The following STOX1 variants were observed in gnomAD, a reference collection of about 807,000 sequenced individuals.
STOX1 encodes storkhead-box protein 1.
A neutral mutation model predicts 74.8 loss-of-function variants in STOX1; 57 were observed. The ratio of observed to expected loss-of-function variants is 0.76; its 90% CI spans 0.62 to 0.95. STOX1 has a LOEUF of 0.95. STOX1 is among the 40% of genes least tolerant of loss of function. The pLI, the probability that STOX1 is intolerant of heterozygous loss-of-function variation, is 0.00. For missense variants in STOX1, 1,010 were observed against 1,117.0 expected, an observed-to-expected ratio of 0.90 and a Z score of 1.37; for synonymous variants, 375 against 401.3, an observed-to-expected ratio of 0.93 and a Z score of 0.78.
At chr10:68,888,322 G>A (rs764175361) in intron 3 of STOX1, among the ~76,000 whole-genome samples, 1 of 152,064 alleles carries the variant, frequency 6.6e-6, no homozygotes, top group African/African-American at 2.4e-5. Flanking sequence ...GACTGGTCTC[G>A]AACTCCTGAC....
chr10:68,891,520 T>C (rs1345176978), intron 3 of STOX1, among the ~76,000 whole-genome samples: 2 of 152,006 alleles, frequency 1.3e-5, no homozygotes, highest in South Asian at 4.2e-4. Context: ...AAAGCAAAAA[T>C]AGGCTGGACG....
intron 1 of STOX1, among the ~76,000 whole-genome samples, chr10:68,851,949 C>G (rs915207169): frequency 3.3e-5 from 5 of 152,118 alleles, no homozygotes; most frequent in Admixed American, 3.3e-4. Flanking sequence ...ACCTGGCCAA[C>G]ATGGTGAAAC....
At chr10:68,828,427 A>G (rs1388230948) in intron 1 of STOX1, among the ~76,000 whole-genome samples, 1 of 152,130 alleles carries the variant, frequency 6.6e-6, no homozygotes, top group Admixed American at 6.5e-5. Context: ...CGGGGGGCCA[A>G]GACGCCCCGG....
At chr10:68,860,194 G>A (rs1840226938) in intron 1 of STOX1, among the ~76,000 whole-genome samples, 2 of 151,546 alleles carry the variant, frequency 1.3e-5, no homozygotes. Flanking sequence ...CTTGGACCCA[G>A]GAGGCGGACG....
intron 1 of STOX1, among the ~76,000 whole-genome samples, chr10:68,848,182 G>A (rs1839900593): frequency 6.6e-6 from 1 of 152,146 alleles, no homozygotes. Flanking sequence ...AGGTCCTGTT[G>A]CCCTGAGGAC....
intron 1 of STOX1, among the ~76,000 whole-genome samples, chr10:68,843,681 C>T (rs1839753407): frequency 6.6e-6 from 1 of 152,016 alleles, no homozygotes; most frequent in Non-Finnish European, 1.5e-5. Flanking sequence ...CCTCAGCCTC[C>T]AAAGTAGTTG....
intron 1 of STOX1, among the ~76,000 whole-genome samples, chr10:68,834,782 T>C (rs1839499614): frequency 6.6e-6 from 1 of 152,218 alleles, no homozygotes; most frequent in Non-Finnish European, 1.5e-5. Context: ...TGGAGTGCAG[T>C]GGCGTGATCT....
chr10:68,886,836 C>T (rs1840976157), intron 3 of STOX1, among the ~76,000 whole-genome samples: 3 of 151,724 alleles, frequency 2.0e-5, no homozygotes. Flanking sequence ...AGGAGAATCG[C>T]TTAAACCCGG....
intron 1 of STOX1, among the ~76,000 whole-genome samples, chr10:68,842,047 G>C (rs960029725): frequency 6.6e-6 from 1 of 152,168 alleles, no homozygotes; most frequent in East Asian, 1.9e-4. Flanking sequence ...TAGACATGAA[G>C]TCCGGGCCAT....
chr10:68,850,716 G>A (rs1460450336), intron 1 of STOX1, among the ~76,000 whole-genome samples: 9 of 152,344 alleles, frequency 5.9e-5, no homozygotes, highest in Admixed American at 5.9e-4. Flanking sequence ...GCTCACGCCT[G>A]TAATCCCAGC....
chr10:68,894,510 C>T (rs959502339), downstream of STOX1, among the ~76,000 whole-genome samples: 1 of 152,168 alleles, frequency 6.6e-6, no homozygotes, highest in African/African-American at 2.4e-5. Context: ...TGACTATTGG[C>T]TTTCAGTGGA....
At chr10:68,849,058 C>CAT (rs1839920025) in intron 1 of STOX1, among the ~76,000 whole-genome samples, 4 of 152,208 alleles carry the variant, frequency 2.6e-5, no homozygotes, top group African/African-American at 9.6e-5. Context: ...GTCCTGGAGG[C>CAT]CTCATTCTGT....
At position 68,885,352 on chromosome 10, in the gene STOX1, T is replaced by C. The variant is rs761762928; in HGVS notation, c.1556T>C (p.Leu519Pro). 3.7e-6 allele frequency: 6 copies of C among 1,614,208 alleles called. No homozygotes were observed. The highest frequency in any genetic ancestry group is 1.6e-4 in the Middle Eastern group (1 of 6,062). The part of the protein sequence containing the change: ...KGHKIQKTSD[L>P]KPSQTGPKEK... The stretch of plus-strand genomic sequence containing the variant: ...CACAAAATTCAGAAGACGAGTGATC[T>C]GAAACCCAGCCAGACTGGACCAAAG... The change falls in exon 3 of 4, where the codon CTG becomes CCG. Residue 519 changes from leucine (L) to proline (P), a missense_variant. Coordinates refer to ENST00000298596, the MANE Select transcript of STOX1 (RefSeq NM_152709.5).
intron 3 of STOX1, among the ~76,000 whole-genome samples, chr10:68,886,897 T>G (rs1840978177): frequency 6.7e-6 from 1 of 150,248 alleles, no homozygotes; most frequent in African/African-American, 2.5e-5. Context: ...TCCAGCCTGG[T>G]GATGGAGCAA....
chr10:68,829,195 C>G (rs1411928582), intron 1 of STOX1, among the ~76,000 whole-genome samples: 2 of 152,218 alleles, frequency 1.3e-5, no homozygotes, highest in African/African-American at 4.8e-5. Context: ...ATTTGTTTGG[C>G]CAGGCGCGGT....
chr10:68,867,032 C>T (rs1840427337), intron 1 of STOX1, among the ~76,000 whole-genome samples: 1 of 150,272 alleles, frequency 6.7e-6, no homozygotes, highest in Non-Finnish European at 1.5e-5. Context: ...GCAAGCTCCG[C>T]CTCCCGGGTT....
At chr10:68,841,353 A>G (rs984048512) in intron 1 of STOX1, among the ~76,000 whole-genome samples, 2 of 152,212 alleles carry the variant, frequency 1.3e-5, no homozygotes, top group Non-Finnish European at 2.9e-5. Context: ...AAGGGTATGC[A>G]GGAAAAAGTC....
At chr10:68,854,761 A>G (rs1415364453) in intron 1 of STOX1, among the ~76,000 whole-genome samples, 1 of 152,074 alleles carries the variant, frequency 6.6e-6, no homozygotes, top group Non-Finnish European at 1.5e-5. Flanking sequence ...TACCTTTCAT[A>G]TGCATGACCC....
At chr10:68,834,884 C>T (rs1839504000) in intron 1 of STOX1, among the ~76,000 whole-genome samples, 1 of 151,906 alleles carries the variant, frequency 6.6e-6, no homozygotes, top group African/African-American at 2.4e-5. Flanking sequence ...GCCTCCACAC[C>T]CGGATAATTT....
Sources: gnomAD v4.1 joint callset for allele counts (sites outside exome capture counted in the v4.1 genomes callset) on GRCh38, gnomAD v4.1.1 for gene constraint, MANE v1.5 for transcripts, NCBI Gene and HGNC (gene_info 2026-07-23, HGNC 2026-07-21) for gene names.